The following MIPOL1 variants were observed in gnomAD, a reference collection of about 807,000 sequenced individuals.
The protein encoded by MIPOL1 is mirror-image polydactyly gene 1 protein.
Under a neutral mutation model 60.9 loss-of-function variants are expected in MIPOL1, and 57 were observed. The ratio of observed to expected loss-of-function variants is 0.94; its 90% CI spans 0.76 to 1.17. The LOEUF is 1.17. MIPOL1 is among the 50% of genes most tolerant of loss of function. The probability of loss-of-function intolerance (pLI) is 0.00; values close to 1 mark genes in which losing one functional copy is unlikely to be tolerated. For missense variants in MIPOL1, 551 were observed against 511.6 expected (o/e 1.08, Z -0.74); for synonymous variants, 179 against 168.8 (o/e 1.06, Z -0.47).
chr14:37,422,303 T>C (rs1287176320), intron 10 of MIPOL1, among the ~76,000 whole-genome samples: 3 of 152,078 alleles, frequency 2.0e-5, no homozygotes, highest in African/African-American at 7.2e-5. Context: ...GGGATTTGTT[T>C]TTCTCCCACA....
intron 12 of MIPOL1, among the ~76,000 whole-genome samples, chr14:37,509,761 A>G (rs1381065796): frequency 6.6e-6 from 1 of 151,084 alleles, no homozygotes; most frequent in African/African-American, 2.4e-5. Flanking sequence ...ATACACATAC[A>G]TGTATGTTTG....
chr14:37,216,363 T>C (rs1967704943), intron 1 of MIPOL1, among the ~76,000 whole-genome samples: 1 of 152,228 alleles, frequency 6.6e-6, no homozygotes, highest in African/African-American at 2.4e-5. Context: ...ACTTTCAGTA[T>C]TGAACATATT....
intron 11 of MIPOL1, among the ~76,000 whole-genome samples, chr14:37,473,387 G>T (rs79934842): frequency 6.6e-6 from 1 of 151,296 alleles, no homozygotes. Flanking sequence ...AAACGACCCC[G>T]CCTCAGGTAT....
chr14:37,403,250 C>T (rs2093521278), intron 10 of MIPOL1, among the ~76,000 whole-genome samples: 1 of 152,000 alleles, frequency 6.6e-6, no homozygotes, highest in Non-Finnish European at 1.5e-5. Flanking sequence ...TCAGAGGATT[C>T]CCTGTAAATT....
intron 10 of MIPOL1, chr14:37,385,399 G>A (rs2093037149): frequency 6.6e-6 from 1 of 152,016 alleles, no homozygotes; most frequent in African/African-American, 2.4e-5. Context: ...AAAAACAGAG[G>A]GCGGGAAAGA....
At chr14:37,225,082 T>A (rs1258026347) in intron 1 of MIPOL1, among the ~76,000 whole-genome samples, 2 of 152,224 alleles carry the variant, frequency 1.3e-5, no homozygotes, top group East Asian at 3.9e-4. Context: ...AAGAGGTGGG[T>A]TCCCATGGTC....
chr14:37,496,630 C>T (rs1345440233), intron 11 of MIPOL1, among the ~76,000 whole-genome samples: 5 of 150,210 alleles, frequency 3.3e-5, no homozygotes, highest in Non-Finnish European at 7.4e-5. Flanking sequence ...AACTACAAAC[C>T]ACTGCTCAAT....
chr14:37,483,065 G>A (rs1282957505), intron 11 of MIPOL1, among the ~76,000 whole-genome samples: 1 of 150,878 alleles, frequency 6.6e-6, no homozygotes, highest in Non-Finnish European at 1.5e-5. Context: ...ATATGTTTAG[G>A]GAATAATCAC....
chr14:37,442,744 A>C (rs1804312445), intron 11 of MIPOL1, among the ~76,000 whole-genome samples: 1 of 151,976 alleles, frequency 6.6e-6, no homozygotes, highest in Admixed American at 6.6e-5. Context: ...TAGCATCAAA[A>C]AGAATAAAAT....
chr14:37,220,322 A>G (rs1219859586), intron 1 of MIPOL1, among the ~76,000 whole-genome samples: 2 of 152,224 alleles, frequency 1.3e-5, no homozygotes, highest in Non-Finnish European at 2.9e-5. Context: ...AAATTTAAAC[A>G]TCGAAATTCC....
chr14:37,253,207 A>G (rs376912933), intron 3 of MIPOL1, among the ~76,000 whole-genome samples: 42 of 151,996 alleles, frequency 2.8e-4, no homozygotes, highest in African/African-American at 8.2e-4. Flanking sequence ...TAATAATGTC[A>G]GTAAAATGTT....
At chr14:37,485,621 A>G (rs1413173011) in intron 11 of MIPOL1, among the ~76,000 whole-genome samples, 1 of 152,058 alleles carries the variant, frequency 6.6e-6, no homozygotes, top group African/African-American at 2.4e-5. Flanking sequence ...TGGCTGCATT[A>G]ATGTCTTCTT....
At chr14:37,551,367 A>G (rs1228545839), downstream of MIPOL1, 1 of 152,142 alleles carries the variant, frequency 6.6e-6, no homozygotes, top group Non-Finnish European at 1.5e-5. Flanking sequence ...TGCAGTAAGG[A>G]AACAGATTAA....
chr14:37,406,726 T>G lies in MIPOL1; in HGVS notation c.937-16129T>G, dbSNP rs552803199. ...ATGACCTCAAGAACAGTTGGCTTGGTAGATGAAAATTCAATAATTTAATAG... is the reference window on the plus strand; with the variant it reads ...ATGACCTCAAGAACAGTTGGCTTGGGAGATGAAAATTCAATAATTTAATAG... On this transcript the variant is annotated intron_variant, in intron 10 of 12. Coordinates refer to ENST00000684589, the MANE Select transcript of MIPOL1 (RefSeq NM_001388067.1). 1.1e-4 allele frequency among the ~76,000 whole-genome samples: 16 copies of G among 152,258 alleles called. 1 individual carries two copies. The highest frequency in any genetic ancestry group is 3.4e-3 in the Middle Eastern group (1 of 294).
At chr14:37,294,405 TC>T (rs1224446080) in intron 7 of MIPOL1, among the ~76,000 whole-genome samples, 1 of 152,044 alleles carries the variant, frequency 6.6e-6, no homozygotes, top group African/African-American at 2.4e-5. Context: ...AGAGCGCCTC[TC>T]CTCCTCCAAA....
chr14:37,310,420 A>G (rs1250438473), intron 9 of MIPOL1, among the ~76,000 whole-genome samples: 4 of 152,218 alleles, frequency 2.6e-5, no homozygotes, highest in African/African-American at 9.6e-5. Flanking sequence ...TCCCAGTTAA[A>G]AAGATAACTT....
intron 9 of MIPOL1, among the ~76,000 whole-genome samples, chr14:37,329,156 T>C (rs1416967145): frequency 6.6e-6 from 1 of 152,038 alleles, no homozygotes; most frequent in Non-Finnish European, 1.5e-5. Flanking sequence ...CTAAGATTGC[T>C]CTTAAGTTAA....
intron 1 of MIPOL1, among the ~76,000 whole-genome samples, chr14:37,237,830 C>G (rs551462220): frequency 6.6e-6 from 1 of 152,290 alleles, no homozygotes; most frequent in Non-Finnish European, 1.5e-5. Flanking sequence ...TAGTTGAACT[C>G]TAACCCTTGA....
intron 11 of MIPOL1, among the ~76,000 whole-genome samples, chr14:37,438,939 T>C (rs1234320973): frequency 6.6e-6 from 1 of 152,248 alleles, no homozygotes; most frequent in East Asian, 1.9e-4. Flanking sequence ...TTATCTGTGC[T>C]GTAGCACAAT....
Sources: allele counts gnomAD v4.1 joint callset (sites outside exome capture counted in the v4.1 genomes callset), GRCh38; gene constraint gnomAD v4.1.1; transcripts MANE v1.5; gene names NCBI Gene and HGNC (gene_info 2026-07-23, HGNC 2026-07-21).